EEPD1: variants seen among roughly 807,000 people sequenced by gnomAD.
The protein encoded by EEPD1 is endonuclease/exonuclease/phosphatase family domain containing 1.
EEPD1 carries 17 observed loss-of-function variants against 46.3 expected under a neutral mutation model. That is an observed-to-expected ratio of 0.37 (90% CI 0.25 to 0.55). The LOEUF is 0.55. EEPD1 is among the 20% of genes least tolerant of loss of function. The pLI is 0.83. For synonymous variants in EEPD1, 313 were observed against 315.6 expected (o/e 0.99, Z 0.09); for missense variants, 673 against 745.6 (o/e 0.90, Z 1.13).
intron 2 of EEPD1, among the ~76,000 whole-genome samples, chr7:36,233,470 C>T (rs574252943): frequency 5.9e-5 from 9 of 152,324 alleles, no homozygotes; most frequent in East Asian, 1.9e-4. Context: ...ATTCCTTGAG[C>T]GCTTTCCATG....
At chr7:36,280,027 T>A (rs140729571) in intron 3 of EEPD1, among the ~76,000 whole-genome samples, 1,723 of 152,064 alleles carry the variant, frequency 0.011, 18 homozygotes, top group Non-Finnish European at 0.017. Flanking sequence ...GACAGTGGAA[T>A]CAGTGCGCTG....
At chr7:36,238,950 G>T in intron 2 of EEPD1, 35 bp from the exon 3 acceptor site, 1 of 1,594,278 alleles carries the variant, frequency 6.3e-7, no homozygotes, top group Non-Finnish European at 8.5e-7. Flanking sequence ...GAAATGATTT[G>T]TTTTCAAGTG....
At chr7:36,199,538 T>C (rs1049264602) in intron 2 of EEPD1, among the ~76,000 whole-genome samples, 2 of 152,118 alleles carry the variant, frequency 1.3e-5, no homozygotes, top group African/African-American at 4.8e-5. Context: ...GACTTTTTTC[T>C]TGGGCTCCCT....
At chr7:36,294,991 A>G (rs1398446530) in intron 6 of EEPD1, among the ~76,000 whole-genome samples, 2 of 152,066 alleles carry the variant, frequency 1.3e-5, no homozygotes, top group Admixed American at 1.3e-4. Flanking sequence ...CAGCCTGGCC[A>G]ACATGGTAAA....
chr7:36,286,442 T>C (rs1787344012), intron 5 of EEPD1, among the ~76,000 whole-genome samples: 1 of 152,214 alleles, frequency 6.6e-6, no homozygotes, highest in South Asian at 2.1e-4. Context: ...GCTTCCCCTA[T>C]ACCCCTTCCC....
chr7:36,278,752 G>A (rs1478189119), intron 3 of EEPD1, among the ~76,000 whole-genome samples: 1 of 152,186 alleles, frequency 6.6e-6, no homozygotes, highest in East Asian at 1.9e-4. Context: ...TAAAGTTACA[G>A]TCGATAAATT....
At chr7:36,272,210 G>A (rs541181815) in intron 3 of EEPD1, among the ~76,000 whole-genome samples, 98 of 151,920 alleles carry the variant, frequency 6.5e-4, no homozygotes, top group East Asian at 7.7e-4. Context: ...AAAAAAAGCC[G>A]ATGAAATTAC....
chr7:36,301,056 T>C lies in EEPD1; in HGVS notation c.*1850T>C, dbSNP rs1336007759. 6.6e-6 allele frequency: 1 copy of C among 152,250 alleles called. No homozygotes were observed. Among genetic ancestry groups the C allele is most frequent in the African/African-American group, 2.4e-5 (1 of 41,472 alleles). 9.4% of individuals were successfully genotyped at this position (152,250 alleles called of 1,614,324 possible). ...GATGTCCCAAATCCCTTTAGCCAGA[T>C]TGCTTTTTGCAACCAAAGCTGTGGA... On this transcript the variant is annotated 3_prime_UTR_variant, in exon 8 of 8. Coordinates refer to ENST00000242108, the MANE Select transcript of EEPD1 (RefSeq NM_030636.3).
rs939810465 is a variant in EEPD1 at position 36,153,342 on chromosome 7, G to C, written c.-525G>C. ...TCTGGCGGATCCCCGCCCGAGTTGG[G>C]CGCAGGACTTTTTGCCGGGGTAAAC... On this transcript the variant is annotated 5_prime_UTR_variant, in exon 1 of 8. Transcript: ENST00000242108. 2 of 152,148 alleles carry C rather than the reference G, an allele frequency of 1.3e-5. No individual in the cohort carries two copies. Among genetic ancestry groups the C allele is most frequent in the Non-Finnish European group, 2.9e-5 (2 of 68,016 alleles). The allele number at this position is 152,148 out of a possible 1,614,324, so 9.4% of individuals were successfully genotyped here.
intron 3 of EEPD1, among the ~76,000 whole-genome samples, chr7:36,250,083 A>C (rs556792966): frequency 6.6e-6 from 1 of 152,174 alleles, no homozygotes; most frequent in Non-Finnish European, 1.5e-5. Flanking sequence ...TTAGCTGAGC[A>C]TGGTAGCATA....
At chr7:36,207,671 C>T (rs752802128) in intron 2 of EEPD1, among the ~76,000 whole-genome samples, 1 of 152,142 alleles carries the variant, frequency 6.6e-6, no homozygotes, top group Non-Finnish European at 1.5e-5. Context: ...TCCTTTCCTG[C>T]GTGCAGCTAC....
intron 2 of EEPD1, among the ~76,000 whole-genome samples, chr7:36,181,619 G>C (rs780494282): frequency 6.6e-6 from 1 of 152,160 alleles, no homozygotes; most frequent in Non-Finnish European, 1.5e-5. Context: ...ATGTTACAGG[G>C]AAATGTGGCA....
chr7:36,237,621 A>G (rs1249384110), intron 2 of EEPD1, among the ~76,000 whole-genome samples: 1 of 152,192 alleles, frequency 6.6e-6, no homozygotes, highest in Non-Finnish European at 1.5e-5. Flanking sequence ...CTATAAAGTG[A>G]AAGCAAGTTT....
At chr7:36,276,033 G>A (rs1004631787) in intron 3 of EEPD1, among the ~76,000 whole-genome samples, 3 of 152,138 alleles carry the variant, frequency 2.0e-5, no homozygotes, top group African/African-American at 7.2e-5. Context: ...TCGTAGATTG[G>A]AGTTTAAATA....
chr7:36,223,015 G>T (rs1434116431), intron 2 of EEPD1, among the ~76,000 whole-genome samples: 1 of 152,098 alleles, frequency 6.6e-6, no homozygotes, highest in Admixed American at 6.5e-5. Flanking sequence ...GGCAGGCGTG[G>T]TGGCGGGTGC....
chr7:36,184,719 G>GA (rs200403342), intron 2 of EEPD1, among the ~76,000 whole-genome samples: 8 of 151,828 alleles, frequency 5.3e-5, no homozygotes, highest in Non-Finnish European at 1.0e-4. Flanking sequence ...AAAATATAAG[G>GA]ATTTTTTTTT....
Position 36,293,834 on chromosome 7 carries a change from C to T in EEPD1, c.1316-3159C>T, listed in dbSNP as rs190739941. 5.3e-5 allele frequency among the ~76,000 whole-genome samples: 8 copies of T among 152,110 alleles called. No homozygotes were observed. In the East Asian group the frequency reaches 1.6e-3, roughly 29 times the overall value. On this transcript the variant is annotated intron_variant, in intron 6 of 7. Transcript: ENST00000242108. ...CAAAAATTAGCCAGGCGCAGTGGCA[C>T]ACATCTGTAATCCCAGCTACTTGGG...
At chr7:36,289,882 A>G (rs1460213839) in intron 6 of EEPD1, among the ~76,000 whole-genome samples, 1 of 152,198 alleles carries the variant, frequency 6.6e-6, no homozygotes, top group African/African-American at 2.4e-5. Flanking sequence ...CTTCTGATAG[A>G]CACTTGGGTA....
At chr7:36,233,887 GTTTTGTTTTTTGGTGGGTT>G (rs1353493428) in intron 2 of EEPD1, among the ~76,000 whole-genome samples, 1 of 152,118 alleles carries the variant, frequency 6.6e-6, no homozygotes, top group Non-Finnish European at 1.5e-5. Context: ...TTTGTTGTTT[GTTTTGTTTTTTGGTGGGTT>G]TTTTGTTTTT....
Sources: gnomAD v4.1 joint callset for allele counts (sites outside exome capture counted in the v4.1 genomes callset) on GRCh38, gnomAD v4.1.1 for gene constraint, MANE v1.5 for transcripts, NCBI Gene and HGNC (gene_info 2026-07-23, HGNC 2026-07-21) for gene names.